Variants in SUZ12 observed in about 807,000 individuals in gnomAD.
The protein encoded by SUZ12 is polycomb protein SUZ12.
In SUZ12, 17 loss-of-function variants were observed where a neutral mutation model predicts 87.3. The observed-to-expected ratio is 0.19, with a 90% CI of 0.13 to 0.29. The LOEUF is 0.29. SUZ12 is among the 10% of genes least tolerant of loss of function. The pLI, the probability that SUZ12 is intolerant of heterozygous loss-of-function variation, is 1.00. For synonymous variants in SUZ12, 253 were observed against 312.4 expected (o/e 0.81, Z 2.01); for missense variants, 526 against 912.2 (o/e 0.58, Z 5.45).
At chr17:31,962,560 C>T (rs1244218184) in intron 4 of SUZ12, among the ~76,000 whole-genome samples, 1 of 151,722 alleles carries the variant, frequency 6.6e-6, no homozygotes, top group Non-Finnish European at 1.5e-5. Flanking sequence ...CACTGTATAC[C>T]AGTCTGGGTG....
intron 7 of SUZ12, 57 bp from the exon 8 acceptor site, chr17:31,976,464 A>G (rs1222361047): frequency 3.8e-5 from 41 of 1,075,008 alleles, no homozygotes; most frequent in South Asian, 6.9e-5. Context: ...GGGACCATAT[A>G]TCATAACACA....
At chr17:31,998,463 GA>G (rs140799543) in intron 15 of SUZ12, among the ~76,000 whole-genome samples, 194 bp from the exon 16 acceptor site, 7,439 of 152,172 alleles carry the variant, frequency 0.049, 584 homozygotes, top group African/African-American at 0.17. Flanking sequence ...GCTTAAGTTA[GA>G]TTAAATCTCT....
intron 6 of SUZ12, among the ~76,000 whole-genome samples, chr17:31,974,532 T>TAC (rs1337052102): frequency 1.3e-5 from 2 of 152,164 alleles, no homozygotes; most frequent in African/African-American, 4.8e-5. Flanking sequence ...CTAACCTCCA[T>TAC]ACACATTACA....
chr17:31,990,834 G>A (rs1026291102), intron 10 of SUZ12, among the ~76,000 whole-genome samples: 1 of 151,772 alleles, frequency 6.6e-6, no homozygotes, highest in Non-Finnish European at 1.5e-5. Flanking sequence ...TGAAACCACC[G>A]CCTCCCAGGC....
rs1910227677 is a variant in SUZ12 at position 32,000,983 on chromosome 17, A to C, written c.*1980A>C. On this transcript the variant is annotated 3_prime_UTR_variant, in exon 16 of 16. Transcript: ENST00000322652. ...TAAAAGAACATTTGTTTTTACATTA[A>C]ATGTTTATTTGAAATCAAATGATTT... 4.7e-6 allele frequency: 1 copy of C among 212,974 alleles called. No homozygotes were observed. Among genetic ancestry groups the C allele is most frequent in the South Asian group, 1.9e-4 (1 of 5,358 alleles). The allele number at this position is 212,974 out of a possible 1,614,324, so 13.2% of individuals were successfully genotyped here.
chr17:31,968,548 T>C (rs185573445), intron 5 of SUZ12, among the ~76,000 whole-genome samples: 15 of 152,330 alleles, frequency 9.8e-5, no homozygotes, highest in Middle Eastern at 3.4e-3. Flanking sequence ...AGGGTTTTTA[T>C]GTAAGAAATT....
chr17:31,960,228 T>G (rs1326818012), intron 4 of SUZ12, among the ~76,000 whole-genome samples: 2 of 152,122 alleles, frequency 1.3e-5, no homozygotes, highest in African/African-American at 4.8e-5. Context: ...TTTTTTTTTT[T>G]GAGACGGGGT....
chr17:31,953,498 T>C (rs138537851), intron 4 of SUZ12, among the ~76,000 whole-genome samples: 221 of 152,152 alleles, frequency 1.5e-3, no homozygotes, highest in Non-Finnish European at 2.1e-3. Context: ...GGATTGAACT[T>C]GTGGACTAAA....
Position 31,937,329 on chromosome 17 carries a change from C to CGGCGGCGGT in SUZ12, c.92_100dup (p.Val31_Ala33dup), listed in dbSNP as rs1260831568. On this transcript the variant is annotated inframe_insertion, in exon 1 of 16. Transcript: ENST00000322652. Reference sequence around the variant, plus strand: ...TCCGGGGGAGGCGGCTTCGGGGGTTCGGCGGCGGTGGCGGCGGCGACGGCT... The same window carrying CGGCGGCGGT: ...TCCGGGGGAGGCGGCTTCGGGGGTTCGGCGGCGGTGGCGGCGGTGGCGGCGGCGACGGCT... 1.4e-6 allele frequency: 2 copies of CGGCGGCGGT among 1,465,336 alleles called. No homozygotes were observed. The highest frequency in any genetic ancestry group is 1.8e-6 in the Non-Finnish European group (2 of 1,114,792). 90.8% of individuals were successfully genotyped at this position (1,465,336 alleles called of 1,614,324 possible).
intron 4 of SUZ12, among the ~76,000 whole-genome samples, chr17:31,951,035 C>T (rs777584390): frequency 1.4e-4 from 22 of 152,180 alleles, no homozygotes; most frequent in Non-Finnish European, 2.9e-4. Context: ...CCATCTCAGC[C>T]TCCCAAAGTG....
chr17:31,992,517 C>A (rs1036689872), intron 10 of SUZ12, among the ~76,000 whole-genome samples: 1 of 152,092 alleles, frequency 6.6e-6, no homozygotes, highest in South Asian at 2.1e-4. Context: ...TCACGCCATT[C>A]TCCTGCCTCA....
chr17:31,956,103 T>C (rs892102993), intron 4 of SUZ12, among the ~76,000 whole-genome samples: 13 of 151,452 alleles, frequency 8.6e-5, no homozygotes, highest in Admixed American at 7.9e-4. Context: ...TTAGTAGAGA[T>C]GGGGTTTCAC....
At chr17:31,997,754 A>C (rs1456200242) in intron 15 of SUZ12, among the ~76,000 whole-genome samples, 4 of 151,654 alleles carry the variant, frequency 2.6e-5, no homozygotes, top group African/African-American at 9.7e-5. Context: ...GGTTCATTTA[A>C]TGACCCAATT....
chr17:31,974,152 G>A (rs1270537055), intron 6 of SUZ12, among the ~76,000 whole-genome samples: 2 of 152,064 alleles, frequency 1.3e-5, no homozygotes, highest in Non-Finnish European at 2.9e-5. Context: ...CGAGGCTGCA[G>A]TGAGCCATGA....
At chr17:31,994,469 C>T (rs747715840) in intron 12 of SUZ12, 95 bp from the exon 13 acceptor site, 98 of 1,234,094 alleles carry the variant, frequency 7.9e-5, no homozygotes, top group Non-Finnish European at 1.0e-4. Flanking sequence ...TTTTAGTTTT[C>T]TAAATATTAA....
intron 4 of SUZ12, among the ~76,000 whole-genome samples, chr17:31,953,689 T>A (rs1474561008): frequency 6.6e-6 from 1 of 151,420 alleles, no homozygotes; most frequent in African/African-American, 2.4e-5. Context: ...ATTACAGGAA[T>A]GAGCCCGCAT....
rs774288551 is a variant in SUZ12 at position 31,937,406 on chromosome 17, GCCTCCT to G, written c.172_177del (p.Ser58_Ser59del). 10 of 1,539,682 alleles carry G rather than the reference GCCTCCT, an allele frequency of 6.5e-6. No homozygotes were observed. The highest frequency in any genetic ancestry group is 1.2e-5 in the South Asian group (1 of 83,462). On this transcript the variant is annotated inframe_deletion, in exon 1 of 16. Transcript: ENST00000322652. ...CTGTGGAGGGGGTGGCAGTTACTCGGCCTCCTCCTCCTCCTCCGCGGCGGCAGCGGC... is the reference window on the plus strand; with the variant it reads ...CTGTGGAGGGGGTGGCAGTTACTCGGCCTCCTCCTCCGCGGCGGCAGCGGC...
At position 31,950,887 on chromosome 17, in the gene SUZ12, TCTC is replaced by T. The variant is rs541271767; in HGVS notation, c.455+3205_455+3207del. 1.0e-3 allele frequency among the ~76,000 whole-genome samples: 159 copies of T among 152,030 alleles called. 1 individual carries two copies. The highest frequency in any genetic ancestry group is 3.6e-3 in the African/African-American group (149 of 41,488). On this transcript the variant is annotated intron_variant, in intron 4 of 15. Coordinates refer to ENST00000322652, the MANE Select transcript of SUZ12 (RefSeq NM_015355.4). ...CTCTGCCCGCCGGGGTTCACGCCAT[TCTC>T]CTGCCTCAGCCTCCCGAGTAGCTGG... is the stretch of plus-strand genomic sequence containing the variant.
chr17:31,961,725 T>A (rs112256574), intron 4 of SUZ12, among the ~76,000 whole-genome samples: 1,739 of 152,346 alleles, frequency 0.011, 36 homozygotes, highest in African/African-American at 0.039. Flanking sequence ...TTTTTCTTAA[T>A]GACCTCAGTT....
Sources: gnomAD v4.1 joint callset for allele counts (sites outside exome capture counted in the v4.1 genomes callset) on GRCh38, gnomAD v4.1.1 for gene constraint, MANE v1.5 for transcripts, NCBI Gene and HGNC (gene_info 2026-07-23, HGNC 2026-07-21) for gene names.